The following DISC1 variants were observed in gnomAD, a reference collection of about 807,000 sequenced individuals.
The protein encoded by DISC1 is DISC1 scaffold protein.
DISC1 carries 57 observed loss-of-function variants against 84.5 expected under a neutral mutation model. That is an observed-to-expected ratio of 0.67 (90% CI 0.55 to 0.84). The LOEUF (loss-of-function observed/expected upper bound fraction) is 0.84, where lower values mean the gene tolerates loss of function less well. DISC1 is among the 40% of genes least tolerant of loss of function. DISC1 has a pLI of 0.00. For synonymous variants in DISC1, 411 were observed against 415.2 expected (o/e 0.99, Z 0.12); for missense variants, 1,000 against 1,057.8 (o/e 0.95, Z 0.76).
intron 9 of DISC1, among the ~76,000 whole-genome samples, chr1:231,868,715 T>C (rs1386850907): frequency 8.8e-6 from 1 of 113,556 alleles, no homozygotes; most frequent in African/African-American, 4.4e-5. Flanking sequence ...TATATATATA[T>C]ATATATATAT....
At chr1:231,985,929 A>G (rs201293445) in intron 10 of DISC1, among the ~76,000 whole-genome samples, 2 of 152,196 alleles carry the variant, frequency 1.3e-5, no homozygotes, top group African/African-American at 4.8e-5. Flanking sequence ...AATCTTTCTC[A>G]TAAAATGCGT....
chr1:231,808,682 A>AG (rs2079961575), intron 8 of DISC1, among the ~76,000 whole-genome samples: 1 of 152,214 alleles, frequency 6.6e-6, no homozygotes, highest in Non-Finnish European at 1.5e-5. Flanking sequence ...ACCTGTGACC[A>AG]GGGGCTCCTC....
intron 1 of DISC1, among the ~76,000 whole-genome samples, chr1:231,656,963 G>T (rs1247590074): frequency 6.6e-6 from 1 of 152,168 alleles, no homozygotes. Context: ...CAAAGGACAT[G>T]ATCTTGTTCC....
chr1:232,012,429 TG>T (rs934833458), intron 11 of DISC1, among the ~76,000 whole-genome samples: 10 of 152,186 alleles, frequency 6.6e-5, no homozygotes, highest in Admixed American at 6.5e-4. Flanking sequence ...AAGGTGCTTT[TG>T]TTTTCCTGCC....
At chr1:231,765,195 CAAAAAAA>C (rs71179793) in intron 4 of DISC1, among the ~76,000 whole-genome samples, 2 of 93,300 alleles carry the variant, frequency 2.1e-5, no homozygotes, top group Non-Finnish European at 2.0e-5. Context: ...GTCCACCCTA[CAAAAAAA>C]AAAAAAAAAA....
chr1:231,632,740 T>C, intron 1 of DISC1, among the ~76,000 whole-genome samples: 1 of 152,224 alleles, frequency 6.6e-6, no homozygotes, highest in Non-Finnish European at 1.5e-5. Flanking sequence ...TGAATTGAAC[T>C]GAATCCCTTT....
intron 1 of DISC1, among the ~76,000 whole-genome samples, chr1:231,670,439 T>C (rs551192080): frequency 6.0e-4 from 92 of 152,340 alleles, no homozygotes; most frequent in African/African-American, 2.2e-3. Context: ...GGTTGAAAAG[T>C]CTGTGAGAGT....
chr1:231,851,334 T>C (rs1030160631), intron 9 of DISC1, among the ~76,000 whole-genome samples: 5 of 152,232 alleles, frequency 3.3e-5, no homozygotes, highest in Admixed American at 2.6e-4. Context: ...CTAACTCTTA[T>C]GTCCTTGAGG....
chr1:231,717,374 T>C (rs1284762050), intron 3 of DISC1, among the ~76,000 whole-genome samples: 1 of 152,154 alleles, frequency 6.6e-6, no homozygotes, highest in Admixed American at 6.5e-5. Flanking sequence ...TTTTCTGCTT[T>C]GGTGTTGGTA....
chr1:231,977,719 G>C (rs1268124076), intron 10 of DISC1, among the ~76,000 whole-genome samples: 1 of 152,026 alleles, frequency 6.6e-6, no homozygotes, highest in East Asian at 1.9e-4. Context: ...AGCACCAACA[G>C]GAATATTTTG....
intron 9 of DISC1, among the ~76,000 whole-genome samples, chr1:231,886,422 C>T (rs1326178223): frequency 6.6e-6 from 1 of 152,124 alleles, no homozygotes; most frequent in East Asian, 1.9e-4. Context: ...GAAAGAAAAA[C>T]GTGTCTGAGT....
At chr1:231,667,916 C>T (rs974156013) in intron 1 of DISC1, among the ~76,000 whole-genome samples, 37 of 151,806 alleles carry the variant, frequency 2.4e-4, no homozygotes, top group Admixed American at 3.9e-4. Flanking sequence ...CTTAGCTGGG[C>T]GTGGTGGGGG....
rs114222892 is a variant in DISC1 at position 231,852,512 on chromosome 1, C to T, written c.1981+33995C>T. ...AACACATTACTCTTAACCCAAGAGA[C>T]AGTCAGGATCATTAACTTTCCTAAT... On this transcript the variant is annotated intron_variant, in intron 9 of 12. Coordinates refer to ENST00000439617, the MANE Select transcript of DISC1 (RefSeq NM_018662.3). Among the ~76,000 whole-genome samples the T allele has an allele frequency of 1.3e-3, 202 of 152,330 alleles. 1 individual carries two copies. The highest frequency in any genetic ancestry group is 4.5e-3 in the African/African-American group (187 of 41,560).
chr1:231,674,700 G>A (rs763430114), intron 1 of DISC1, among the ~76,000 whole-genome samples: 4 of 152,238 alleles, frequency 2.6e-5, no homozygotes, highest in Non-Finnish European at 5.9e-5. Context: ...AGCATTGTAG[G>A]AAGTTGTAAG....
intron 11 of DISC1, among the ~76,000 whole-genome samples, chr1:232,010,246 ATGCTCTGGGTAGAGGT>A (rs1667907949): frequency 1.3e-5 from 2 of 152,184 alleles, no homozygotes; most frequent in Non-Finnish European, 2.9e-5. Flanking sequence ...CTGGTCTCCA[ATGCTCTGGGTAGAGGT>A]GTTGAAAAGT....
intron 9 of DISC1, among the ~76,000 whole-genome samples, chr1:231,916,580 G>C (rs1429798264): frequency 6.7e-6 from 1 of 148,972 alleles, no homozygotes; most frequent in Non-Finnish European, 1.5e-5. Context: ...GCGTGAACCC[G>C]GGAGGCGGAG....
At chr1:231,890,952 G>A (rs1361057417) in intron 9 of DISC1, among the ~76,000 whole-genome samples, 1 of 152,110 alleles carries the variant, frequency 6.6e-6, no homozygotes, top group Non-Finnish European at 1.5e-5. Flanking sequence ...GACAAAGAGT[G>A]GGAATAAGCG....
intron 6 of DISC1, among the ~76,000 whole-genome samples, chr1:231,779,550 T>TA (rs1491139095): frequency 1.0e-4 from 3 of 28,788 alleles, no homozygotes; most frequent in Admixed American, 5.0e-4. Context: ...CCTATTCTTG[T>TA]TTTTTTTTTT....
At chr1:231,762,016 A>T (rs1269154114) in intron 4 of DISC1, among the ~76,000 whole-genome samples, 1 of 152,282 alleles carries the variant, frequency 6.6e-6, no homozygotes, top group Middle Eastern at 3.4e-3. Context: ...TAGTAGTAGG[A>T]TGGTTTTCTT....
Sources: gnomAD v4.1 joint callset for allele counts (sites outside exome capture counted in the v4.1 genomes callset) on GRCh38, gnomAD v4.1.1 for gene constraint, MANE v1.5 for transcripts, NCBI Gene and HGNC (gene_info 2026-07-23, HGNC 2026-07-21) for gene names.